TRPM7: variants seen among roughly 807,000 people sequenced by gnomAD.
TRPM7 encodes LTRPC ion channel family member 7.
TRPM7 carries 134 observed loss-of-function variants against 229.7 expected under a neutral mutation model. The observed-to-expected ratio is 0.58, with a 90% confidence interval of 0.51 to 0.67. The LOEUF (loss-of-function observed/expected upper bound fraction) is 0.67. TRPM7 is among the 30% of genes least tolerant of loss of function. The pLI is 0.00. For missense variants in TRPM7, 1,901 were observed against 2,210.0 expected (o/e 0.86, Z 2.80); for synonymous variants, 699 against 715.2 (o/e 0.98, Z 0.36).
At position 50,648,817 on chromosome 15, in the gene TRPM7, T is replaced by G; in HGVS notation, c.191A>C (p.Asp64Ala). The G allele has an allele frequency of 1.9e-6, 3 of 1,613,222 alleles. No homozygotes were observed. Among genetic ancestry groups the G allele is most frequent in the Non-Finnish European group, 1.7e-6 (2 of 1,179,528 alleles). ...ATTAAAATGGTCACCCAATTTCACA[T>G]CTGAGTATTTCATGGCAAGACTTGC... Reference protein sequence around the residue: ...FTASLAMKYSDVKLGDHFNQA... With the variant: ...FTASLAMKYSAVKLGDHFNQA... The change falls in exon 4 of 39, where the codon GAT becomes GCT. Residue 64 changes from aspartate (D) to alanine (A), a missense_variant. Asp to Ala is a moderately radical substitution (Grantham distance 126). This residue lies in a region of TRPM7 where 794 missense variants were observed against 881.9 expected (regional missense o/e 0.90). Coordinates refer to ENST00000646667, the MANE Select transcript of TRPM7 (RefSeq NM_017672.6).
In TRPM7 at chr15:50,561,613, G is replaced by A; in HGVS notation, c.*65C>T. Reference sequence around the variant, plus strand: ...TATTACCAAACAATTTCCTCCCGAGGGAAAAGTGACACAGTAACATTTCTG... The same window carrying A: ...TATTACCAAACAATTTCCTCCCGAGAGAAAAGTGACACAGTAACATTTCTG... On this transcript the variant is annotated 3_prime_UTR_variant, in exon 39 of 39. Coordinates refer to ENST00000646667, the MANE Select transcript of TRPM7 (RefSeq NM_017672.6). 6.3e-7 allele frequency: 1 copy of A among 1,580,934 alleles called. No homozygotes were observed. Among genetic ancestry groups the A allele is most frequent in the East Asian group, 2.3e-5 (1 of 44,360 alleles).
In TRPM7 at chr15:50,608,935, T is replaced by C. The variant is rs996142750; in HGVS notation, c.2580+646A>G. Among the ~76,000 whole-genome samples the C allele has an allele frequency of 3.9e-5, 6 of 152,308 alleles. No individual in the cohort carries two copies. In the South Asian group the frequency reaches 1.2e-3, roughly 32 times the overall value. ...AAGACAGCCAACTAATATTTCCTAG[T>C]GCTCATTCTCCACACAAAACAACCA... On this transcript the variant is annotated intron_variant, in intron 19 of 38. Coordinates refer to ENST00000646667, the MANE Select transcript of TRPM7 (RefSeq NM_017672.6).
At chr15:50,638,971 C>T (rs550065998) in intron 6 of TRPM7, among the ~76,000 whole-genome samples, 10 of 152,276 alleles carry the variant, frequency 6.6e-5, no homozygotes, top group Middle Eastern at 3.4e-3. Context: ...TGAGCCACTG[C>T]GCCCAGCCAG....
chr15:50,574,821 G>A (rs767950594), intron 34 of TRPM7, 31 bp downstream of exon 34: 3 of 1,594,914 alleles, frequency 1.9e-6, no homozygotes, highest in South Asian at 2.3e-5. Context: ...CTTAAATTAT[G>A]TTCCACTATT....
intron 3 of TRPM7, among the ~76,000 whole-genome samples, chr15:50,655,013 A>AAG (rs1567092819): frequency 2.7e-5 from 4 of 150,062 alleles, no homozygotes; most frequent in African/African-American, 9.7e-5. Context: ...AAAAAAAAAA[A>AAG]AAAAGAAAAG....
At chr15:50,578,874 C>T (rs1049036458) in intron 30 of TRPM7, among the ~76,000 whole-genome samples, 9 of 150,844 alleles carry the variant, frequency 6.0e-5, no homozygotes, top group African/African-American at 2.2e-4. Flanking sequence ...CCATATGTAT[C>T]TACTTATTAA....
chr15:50,612,792 G>C lies in TRPM7; in HGVS notation c.1808C>G (p.Thr603Ser), dbSNP rs1004581054. The change falls in exon 16 of 39, where the codon ACC becomes AGC. Residue 603 changes from threonine to serine, a missense_variant. Transcript: ENST00000646667. ...TVMEEGKKKRTKDEIVDIDDP... is the reference protein window; with the variant it reads ...TVMEEGKKKRSKDEIVDIDDP... ...ATCAATGTCTACAATTTCATCTTTG[G>C]TTCTTTTCTTCTTTCCTTCTTCCAT... 1 of 1,613,472 alleles carries C rather than the reference G, an allele frequency of 6.2e-7. No individual in the cohort carries two copies. Among genetic ancestry groups the C allele is most frequent in the Admixed American group, 1.7e-5 (1 of 59,952 alleles).
intron 1 of TRPM7, among the ~76,000 whole-genome samples, chr15:50,677,511 C>T (rs1185570083): frequency 6.6e-6 from 1 of 151,992 alleles, no homozygotes; most frequent in Admixed American, 6.6e-5. Flanking sequence ...GAGGCCAAGG[C>T]AGGCGGATCG....
intron 21 of TRPM7, 88 bp from the exon 22 acceptor site, chr15:50,599,384 A>C: frequency 1.1e-6 from 1 of 891,802 alleles, no homozygotes; most frequent in Non-Finnish European, 1.6e-6. Context: ...CTAATAGACC[A>C]AAAAAATCCA....
Position 50,559,018 on chromosome 15 carries a change from A to C in TRPM7, c.*2660T>G, listed in dbSNP as rs1053476975. 2.6e-5 allele frequency: 4 copies of C among 151,744 alleles called. No individual in the cohort carries two copies. Among genetic ancestry groups the C allele is most frequent in the Non-Finnish European group, 4.4e-5 (3 of 68,036 alleles). 9.4% of individuals were successfully genotyped at this position (151,744 alleles called of 1,614,324 possible). A position where few individuals can be genotyped will look rare whatever the true frequency, so the allele number is the denominator to read the frequency against. ...AGTGATCCTCCCACCTCAGTCTCCC[A>C]AGTAGCTGGAACTACAGGTGCACAC... is the stretch of plus-strand genomic sequence containing the variant. On this transcript the variant is annotated 3_prime_UTR_variant, in exon 39 of 39. Coordinates refer to ENST00000646667, the MANE Select transcript of TRPM7 (RefSeq NM_017672.6).
Position 50,686,587 on chromosome 15 carries a change from G to A in TRPM7, c.-54C>T. ...CAGCAACTCCACCTCCTCCTCCTCC[G>A]CGGCCTGTAGCCATCTATCGGGAAG... On this transcript the variant is annotated 5_prime_UTR_variant, in exon 1 of 39. Transcript: ENST00000646667. The A allele has an allele frequency of 6.2e-7, 1 of 1,602,806 alleles. No individual in the cohort carries two copies. Among genetic ancestry groups the A allele is most frequent in the Non-Finnish European group, 8.5e-7 (1 of 1,174,340 alleles).
intron 1 of TRPM7, among the ~76,000 whole-genome samples, chr15:50,664,022 G>A (rs1164800092): frequency 2.0e-5 from 3 of 151,932 alleles, no homozygotes; most frequent in Non-Finnish European, 2.9e-5. Context: ...AGATTTGGCC[G>A]CGTGCGGTGG....
intron 5 of TRPM7, among the ~76,000 whole-genome samples, chr15:50,640,635 T>C (rs925968760): frequency 1.3e-5 from 2 of 151,938 alleles, no homozygotes; most frequent in African/African-American, 4.8e-5. Context: ...CCCAATACCA[T>C]AAAATATGAC....
intron 29 of TRPM7, among the ~76,000 whole-genome samples, chr15:50,582,278 A>T (rs112772218): frequency 8.6e-5 from 13 of 150,932 alleles, no homozygotes; most frequent in Middle Eastern, 6.8e-3. Flanking sequence ...TTTTTTTTTT[A>T]TTTCTAGTTT....
chr15:50,598,344 A>G (rs1346418052), intron 22 of TRPM7, among the ~76,000 whole-genome samples: 1 of 152,236 alleles, frequency 6.6e-6, no homozygotes, highest in East Asian at 1.9e-4. Context: ...GTGAATAGTA[A>G]CAAAATTGAA....
intron 22 of TRPM7, 33 bp from the exon 23 acceptor site, chr15:50,596,414 A>C (rs753937660): frequency 6.6e-6 from 10 of 1,515,756 alleles, no homozygotes; most frequent in Non-Finnish European, 8.9e-6. Context: ...AAACAAAAAC[A>C]ACTTAAAAAT....
At position 50,642,858 on chromosome 15, in the gene TRPM7, CG is replaced by C. The variant is rs570366179; in HGVS notation, c.535+481del. Among the ~76,000 whole-genome samples, 10 of 151,036 alleles carry C rather than the reference CG, an allele frequency of 6.6e-5. No individual in the cohort carries two copies. The South Asian group carries it at 1.5e-3, about 22-fold the overall frequency. On this transcript the variant is annotated intron_variant, in intron 5 of 38. Coordinates refer to ENST00000646667, the MANE Select transcript of TRPM7 (RefSeq NM_017672.6). ...TGCCAAATCCTGCTCTAAAGTGTTG[CG>C]TTTTTTTTTTAAAGACAAAATAATA...
intron 34 of TRPM7, 26 bp from the exon 35 acceptor site, chr15:50,574,745 C>T: frequency 1.3e-6 from 2 of 1,599,702 alleles, no homozygotes; most frequent in Non-Finnish European, 1.7e-6. Context: ...TGGGGAGAAC[C>T]CTTGTTTAAT....
At position 50,613,814 on chromosome 15, in the gene TRPM7, T is replaced by C. The variant is rs906282128; in HGVS notation, c.1663A>G (p.Thr555Ala). 2 of 1,613,308 alleles carry C rather than the reference T, an allele frequency of 1.2e-6. No homozygotes were observed. The highest frequency in any genetic ancestry group is 3.3e-5 in the Admixed American group (2 of 59,828). ...TCATGACTCTTTCGCAACTGAGGAG[T>C]GCTGCTGGAGGTATTTCGGCCAGAC... is the stretch of plus-strand genomic sequence containing the variant. ...RRSGRNTSSSTPQLRKSHESF... is the reference protein window; with the variant it reads ...RRSGRNTSSSAPQLRKSHESF... The change falls in exon 15 of 39, where the codon ACT (threonine) becomes GCT (alanine). Residue 555 changes from threonine (T) to alanine (A), a missense_variant. Physicochemically the swap from Thr to Ala is moderately conservative, Grantham distance 58 (BLOSUM62 0). This residue lies in a region of TRPM7 where 794 missense variants were observed against 881.9 expected (regional missense o/e 0.90). Coordinates refer to ENST00000646667, the MANE Select transcript of TRPM7 (RefSeq NM_017672.6).
Sources: gnomAD v4.1 joint callset for allele counts (sites outside exome capture counted in the v4.1 genomes callset) on GRCh38, gnomAD v4.1.1 for gene constraint, gnomAD v4.1.1 regional missense constraint, MANE v1.5 for transcripts, NCBI Gene and HGNC (gene_info 2026-07-23, HGNC 2026-07-21) for gene names.